The following SORBS2 variants were observed in gnomAD, a reference collection of about 807,000 sequenced individuals.
SORBS2 encodes sorbin and SH3 domain containing 2.
A neutral mutation model predicts 97.7 loss-of-function variants in SORBS2; 46 were observed. The observed-to-expected ratio is 0.47, with a 90% CI of 0.37 to 0.60. The LOEUF is 0.60. Ranked by LOEUF, SORBS2 falls within the 20% of genes least tolerant of loss-of-function variation. SORBS2 has a pLI of 0.00. For synonymous variants in SORBS2, 476 were observed against 473.4 expected, an observed-to-expected ratio of 1.01 and a Z score of -0.07; for missense variants, 1,316 against 1,282.3, an observed-to-expected ratio of 1.03 and a Z score of -0.40.
intron 4 of SORBS2, among the ~76,000 whole-genome samples, chr4:185,645,374 C>T (rs904545207): frequency 2.0e-5 from 3 of 152,068 alleles, no homozygotes; most frequent in Admixed American, 6.5e-5. Context: ...TACAAGTTTG[C>T]AATGGTGCCT....
intron 2 of SORBS2, among the ~76,000 whole-genome samples, chr4:185,650,935 A>G (rs1240641604): frequency 6.6e-6 from 1 of 152,120 alleles, no homozygotes; most frequent in Non-Finnish European, 1.5e-5. Context: ...AAATAGTTAA[A>G]GGGCCTGAAT....
intron 2 of SORBS2, among the ~76,000 whole-genome samples, chr4:185,713,930 G>A (rs1316452074): frequency 6.6e-6 from 1 of 152,176 alleles, no homozygotes; most frequent in Admixed American, 6.5e-5. Flanking sequence ...CATTAGCATT[G>A]ATTTCAAACA....
At chr4:185,621,665 A>G (rs952210239) in intron 7 of SORBS2, among the ~76,000 whole-genome samples, 4 of 152,236 alleles carry the variant, frequency 2.6e-5, no homozygotes, top group African/African-American at 7.2e-5. Flanking sequence ...GTGAAAGCAA[A>G]CATAAAGACT....
intron 4 of SORBS2, among the ~76,000 whole-genome samples, chr4:185,640,503 A>G (rs1472856407): frequency 6.6e-6 from 1 of 152,114 alleles, no homozygotes; most frequent in Non-Finnish European, 1.5e-5. Context: ...ATCTTGAGAT[A>G]TTTTTCCTTC....
chr4:185,890,406 C>G (rs2099241868), intron 1 of SORBS2, among the ~76,000 whole-genome samples: 1 of 152,158 alleles, frequency 6.6e-6, no homozygotes, highest in Non-Finnish European at 1.5e-5. Context: ...TCCTCTTATC[C>G]TGACAAGAAG....
At chr4:185,755,100 G>T (rs34770129) in intron 2 of SORBS2, among the ~76,000 whole-genome samples, 1 of 152,176 alleles carries the variant, frequency 6.6e-6, no homozygotes, top group African/African-American at 2.4e-5. Context: ...GCAGAATGCC[G>T]ATTGGAAATA....
At chr4:185,635,974 T>C (rs1214619924) in intron 4 of SORBS2, among the ~76,000 whole-genome samples, 1 of 152,148 alleles carries the variant, frequency 6.6e-6, no homozygotes, top group East Asian at 1.9e-4. Context: ...TTCTCCCACC[T>C]CAGCCCCCTG....
rs529554094 is a variant in SORBS2 at position 185,802,346 on chromosome 4, C to T, written c.-337-26980G>A. Among the ~76,000 whole-genome samples, 46 of 152,228 alleles carry T rather than the reference C, an allele frequency of 3.0e-4. No individual in the cohort carries two copies. In the South Asian group the frequency reaches 7.1e-3, roughly 23 times the overall value. On this transcript the variant is annotated intron_variant, in intron 1 of 20. Transcript: ENST00000284776. ...TGGCTTATTCTCTCATCTTTTCCTC[C>T]GGTCCTTGATGGATGTATAATAAAT...
chr4:185,793,859 T>G (rs905383840), intron 1 of SORBS2, among the ~76,000 whole-genome samples: 2 of 152,214 alleles, frequency 1.3e-5, no homozygotes, highest in Non-Finnish European at 2.9e-5. Flanking sequence ...AGACCAAGCC[T>G]GTGGTTGAAA....
intron 2 of SORBS2, among the ~76,000 whole-genome samples, chr4:185,713,626 A>G (rs2098442617): frequency 6.6e-6 from 1 of 152,228 alleles, no homozygotes; most frequent in South Asian, 2.1e-4. Context: ...TTCCTTTAGC[A>G]AATGCAAAGA....
At chr4:185,683,454 C>T (rs2097904408) in intron 2 of SORBS2, among the ~76,000 whole-genome samples, 3 of 152,198 alleles carry the variant, frequency 2.0e-5, no homozygotes, top group Admixed American at 2.0e-4. Flanking sequence ...ATTCCAATTA[C>T]ACGATGGCCC....
chr4:185,873,133 C>A (rs1387346031), intron 1 of SORBS2, among the ~76,000 whole-genome samples: 1 of 152,190 alleles, frequency 6.6e-6, no homozygotes, highest in Non-Finnish European at 1.5e-5. Flanking sequence ...CAACAACTCA[C>A]CCAGATGAAG....
rs10026100 is a variant in SORBS2, at chr4:185,744,704, A to C, written c.-198+30523T>G. Among the ~76,000 whole-genome samples the C allele has an allele frequency of 4.4e-3, 672 of 152,358 alleles. 5 individuals carry two copies. The highest frequency in any genetic ancestry group is 0.015 in the African/African-American group (637 of 41,578). ...CTGTTTGATGAACTGACAATGTCCA[A>C]GTCCACCAAATGGTCCAACATTCAG... On this transcript the variant is annotated intron_variant, in intron 2 of 20. Coordinates refer to the SORBS2 transcript ENST00000284776.
Position 185,752,266 on chromosome 4 carries a change from T to TTTTA in SORBS2, c.-198+22957_-198+22960dup, listed in dbSNP as rs563836003. Among the ~76,000 whole-genome samples, 24 of 152,274 alleles carry TTTTA rather than the reference T, an allele frequency of 1.6e-4. No homozygotes were observed. In the South Asian group the frequency reaches 1.7e-3, roughly 11 times the overall value. On this transcript the variant is annotated intron_variant, in intron 2 of 20. Transcript: ENST00000284776. Reference sequence around the variant, plus strand: ...AATATGTACATATACTGCAGCAGACTTTTATTTATTTATTTATTTACTTAT... The same window carrying TTTTA: ...AATATGTACATATACTGCAGCAGACTTTTATTTATTTATTTATTTATTTACTTAT...
chr4:185,913,215 G>A (rs34456597), intron 1 of SORBS2, among the ~76,000 whole-genome samples: 39,510 of 152,068 alleles, frequency 0.26, 5,703 homozygotes, highest in East Asian at 0.55. Flanking sequence ...GCATGGTTAT[G>A]TCCTGTTACA....
intron 2 of SORBS2, among the ~76,000 whole-genome samples, chr4:185,709,280 C>T (rs1319844477): frequency 1.5e-5 from 2 of 137,636 alleles, no homozygotes; most frequent in East Asian, 4.5e-4. Context: ...GGATTATAGG[C>T]ATGAGCCGCT....
chr4:185,654,542 A>C (rs1484784465), intron 1 of SORBS2, among the ~76,000 whole-genome samples: 1 of 152,146 alleles, frequency 6.6e-6, no homozygotes, highest in Non-Finnish European at 1.5e-5. Context: ...GCCATCTGCT[A>C]GCTTTATATG....
chr4:185,658,033 C>T (rs919741020), upstream of SORBS2, among the ~76,000 whole-genome samples: 2 of 152,112 alleles, frequency 1.3e-5, no homozygotes, highest in African/African-American at 4.8e-5. Context: ...TGTGATACTG[C>T]TACTACTATT....
intron 4 of SORBS2, among the ~76,000 whole-genome samples, chr4:185,643,293 C>A (rs975325577): frequency 6.6e-6 from 1 of 152,118 alleles, no homozygotes; most frequent in Non-Finnish European, 1.5e-5. Context: ...GAGGTGCAGC[C>A]TTTACAGAGG....
Sources: gnomAD v4.1 joint callset for allele counts (sites outside exome capture counted in the v4.1 genomes callset) on GRCh38, gnomAD v4.1.1 for gene constraint, MANE v1.5 for transcripts, NCBI Gene and HGNC (gene_info 2026-07-23, HGNC 2026-07-21) for gene names.